The following FYB2 variants were observed in gnomAD, a reference collection of about 807,000 sequenced individuals.
FYB2 encodes FYN binding protein 2.
In FYB2, 103 loss-of-function variants were observed where a neutral mutation model predicts 94.1. The observed-to-expected ratio is 1.09, with a 90% CI of 0.93 to 1.29. FYB2 has a LOEUF of 1.29. Ranked by LOEUF, FYB2 falls within the 50% of genes most tolerant of loss-of-function variation. FYB2 has a pLI of 0.00. For missense variants in FYB2, 896 were observed against 841.5 expected (o/e 1.06, Z -0.80); for synonymous variants, 293 against 287.9 (o/e 1.02, Z -0.18).
At chr1:56,825,294 T>C in the FYB2 span, 1 of 151,938 alleles carries the variant, frequency 6.6e-6, no homozygotes, top group Non-Finnish European at 1.5e-5. Context: ...ATTTGGGGAG[T>C]GTGGCATGTG....
At position 56,770,075 on chromosome 1, in the gene FYB2, A is replaced by G. The variant is rs377095677; in HGVS notation, c.954-2137T>C. Among the ~76,000 whole-genome samples, 3 of 152,182 alleles carry G rather than the reference A, an allele frequency of 2.0e-5. No homozygotes were observed. In the East Asian group the frequency reaches 5.8e-4, roughly 29 times the overall value. On this transcript the variant is annotated intron_variant, in intron 4 of 19. Coordinates refer to ENST00000343433, the MANE Select transcript of FYB2 (RefSeq NM_001004303.5). ...CACGAATGCGTATACACCGACACAA[A>G]TTAGAGATAAGAAAGGAAACAAAAC...
At chr1:56,792,881 A>T (rs1304939727) in intron 1 of FYB2, 78 bp from the exon 2 acceptor site, 1 of 1,428,798 alleles carries the variant, frequency 7.0e-7, no homozygotes, top group Non-Finnish European at 9.4e-7. Flanking sequence ...GTGTCTCATT[A>T]TTCCAAGAAA....
intron 7 of FYB2, 108 bp downstream of exon 7, chr1:56,755,788 C>T: frequency 1.8e-6 from 2 of 1,098,620 alleles, no homozygotes; most frequent in Non-Finnish European, 2.7e-6. Flanking sequence ...GAAACTGAAC[C>T]AGGCTAGCTC....
At chr1:56,730,489 T>A (rs949660254) in intron 15 of FYB2, among the ~76,000 whole-genome samples, 1 of 151,786 alleles carries the variant, frequency 6.6e-6, no homozygotes, top group African/African-American at 2.4e-5. Context: ...GAGACATTAC[T>A]TAGAGACCAC....
At position 56,723,610 on chromosome 1, in the gene FYB2, T is replaced by C; in HGVS notation, c.1952A>G (p.Lys651Arg). 6.4e-7 allele frequency: 1 copy of C among 1,555,918 alleles called. No homozygotes were observed. The highest frequency in any genetic ancestry group is 1.1e-5 in the South Asian group (1 of 87,406). Residue 651 changes from lysine to arginine, a missense_variant, in exon 17 of 20, where the codon AAA (lysine) becomes AGA (arginine). Coordinates refer to ENST00000343433, the MANE Select transcript of FYB2 (RefSeq NM_001004303.5). ...TACCTTAAACCTTTCTCTAAATAGT[T>C]TTTCTTCTCTTTTCATTCTGTTCTT... The part of the protein sequence containing the change: ...LEKNRMKREE[K>R]LFRERFKYDK...
chr1:56,819,422 A>G (rs1017333106), upstream of FYB2: 4 of 1,323,416 alleles, frequency 3.0e-6, no homozygotes, highest in African/African-American at 4.4e-5. Context: ...ACCTGAGCCC[A>G]GGCTCCCCAC....
chr1:56,811,215 G>A (rs1261397088), intron 1 of FYB2, among the ~76,000 whole-genome samples: 1 of 152,142 alleles, frequency 6.6e-6, no homozygotes, highest in African/African-American at 2.4e-5. Flanking sequence ...AGAAGCTGAA[G>A]GTTTAAAGCA....
chr1:56,728,701 C>G (rs79579988), intron 15 of FYB2, among the ~76,000 whole-genome samples: 1,543 of 152,158 alleles, frequency 0.01, 29 homozygotes, highest in African/African-American at 0.035. Flanking sequence ...AAGAGGCTTT[C>G]CACTGCTATC....
At chr1:56,755,349 C>A (rs1645301646) in intron 7 of FYB2, among the ~76,000 whole-genome samples, 1 of 152,042 alleles carries the variant, frequency 6.6e-6, no homozygotes, top group African/African-American at 2.4e-5. Flanking sequence ...AGTGGTACCA[C>A]AGGCAAGGGA....
chr1:56,749,922 T>G (rs1041302777), intron 9 of FYB2, among the ~76,000 whole-genome samples: 1 of 152,046 alleles, frequency 6.6e-6, no homozygotes, highest in Non-Finnish European at 1.5e-5. Context: ...ATGAATGTTT[T>G]AAAAAATTTA....
intron 2 of FYB2, among the ~76,000 whole-genome samples, chr1:56,789,927 T>C (rs554929324): frequency 1.3e-5 from 2 of 152,314 alleles, no homozygotes; most frequent in African/African-American, 4.8e-5. Context: ...GCTCATAGCC[T>C]AGGACTGGCT....
Position 56,723,636 on chromosome 1 carries a change from T to A in FYB2, c.1926A>T (p.Glu642Asp), listed in dbSNP as rs1432737806. ...TTTCTTCTCTTTTCATTCTGTTCTTTTCTAAGTTTTGCTTCTTGGTTTTGA... is the reference window on the plus strand; with the variant it reads ...TTTCTTCTCTTTTCATTCTGTTCTTATCTAAGTTTTGCTTCTTGGTTTTGA... ...NFFKTKKQNLEKNRMKREEKL... is the reference protein window; with the variant it reads ...NFFKTKKQNLDKNRMKREEKL... Residue 642 changes from glutamate (E) to aspartate (D), a missense_variant, in exon 17 of 20, where the codon GAA becomes GAT. Physicochemically the swap from Glu to Asp is conservative, Grantham distance 45 (BLOSUM62 2). Coordinates refer to ENST00000343433, the MANE Select transcript of FYB2 (RefSeq NM_001004303.5). 9.5e-6 allele frequency: 15 copies of A among 1,572,972 alleles called. No homozygotes were observed. Among genetic ancestry groups the A allele is most frequent in the Non-Finnish European group, 1.3e-5 (15 of 1,146,658 alleles).
intron 15 of FYB2, among the ~76,000 whole-genome samples, chr1:56,729,845 A>C (rs1346436638): frequency 6.6e-6 from 1 of 152,162 alleles, no homozygotes; most frequent in Non-Finnish European, 1.5e-5. Flanking sequence ...ATCTGAGCAC[A>C]GTGGATTAAA....
At chr1:56,806,148 C>T (rs1205545489) in intron 1 of FYB2, among the ~76,000 whole-genome samples, 1 of 152,126 alleles carries the variant, frequency 6.6e-6, no homozygotes, top group East Asian at 1.9e-4. Flanking sequence ...TTCACAGTCT[C>T]ATGGAAAAGA....
Position 56,744,169 on chromosome 1 carries a change from C to T in FYB2, c.1485G>A (p.Glu495=), listed in dbSNP as rs1459465492. Residue 495 remains glutamate (E), a synonymous_variant, in exon 10 of 20, where the codon GAG becomes GAA. Coordinates refer to ENST00000343433, the MANE Select transcript of FYB2 (RefSeq NM_001004303.5). ...TTACTTACACCTCTTTCCTGGAGTACTCGACATCATCATATATCTCCTCCG... is the reference window on the plus strand; with the variant it reads ...TTACTTACACCTCTTTCCTGGAGTATTCGACATCATCATATATCTCCTCCG... The part of the protein sequence containing the change: ...SISEEIYDDV[E]YSRKEVPKLN... 1.2e-6 allele frequency: 2 copies of T among 1,612,602 alleles called. No homozygotes were observed. Among genetic ancestry groups the T allele is most frequent in the Non-Finnish European group, 8.5e-7 (1 of 1,179,188 alleles).
chr1:56,792,942 A>T (rs1646308411), intron 1 of FYB2, 139 bp from the exon 2 acceptor site: 1 of 860,878 alleles, frequency 1.2e-6, no homozygotes, highest in African/African-American at 1.7e-5. Flanking sequence ...AAGGGACTCT[A>T]ACTGCTGATA....
At chr1:56,735,668 T>C (rs1644814997) in intron 15 of FYB2, among the ~76,000 whole-genome samples, 1 of 152,092 alleles carries the variant, frequency 6.6e-6, no homozygotes, top group Non-Finnish European at 1.5e-5. Context: ...GAATGAGTTC[T>C]CATGAGTTCT....
rs746460056 is a variant in FYB2, at chr1:56,744,021, C to T, written c.1543+5G>A. The T allele has an allele frequency of 1.6e-5, 25 of 1,611,782 alleles. No individual in the cohort carries two copies. Among genetic ancestry groups the T allele is most frequent in the Non-Finnish European group, 2.1e-5 (25 of 1,179,034 alleles). Reference sequence around the variant, plus strand: ...GCAACTTCAGAAATGTCTTCCTATACTTACCACTACTTGAGGCAAGTGAGC... The same window carrying T: ...GCAACTTCAGAAATGTCTTCCTATATTTACCACTACTTGAGGCAAGTGAGC... On this transcript the variant is annotated splice_donor_5th_base_variant and intron_variant, in intron 11 of 19. Transcript: ENST00000343433.
chr1:56,750,563 G>T (rs965455357), intron 9 of FYB2, among the ~76,000 whole-genome samples: 1 of 151,822 alleles, frequency 6.6e-6, no homozygotes, highest in African/African-American at 2.4e-5. Flanking sequence ...CAAGGGTACC[G>T]ACTAACACGC....
Sources: allele counts gnomAD v4.1 joint callset (sites outside exome capture counted in the v4.1 genomes callset), GRCh38; gene constraint gnomAD v4.1.1; transcripts MANE v1.5; gene names NCBI Gene and HGNC (gene_info 2026-07-23, HGNC 2026-07-21).